Variants in ARHGEF10L observed in about 807,000 individuals in gnomAD.
The protein encoded by ARHGEF10L is Rho guanine nucleotide exchange factor 10 like, also known as rho guanine nucleotide exchange factor 10-like protein.
In ARHGEF10L, 69 loss-of-function variants were observed where a neutral mutation model predicts 141.2. That is an observed-to-expected ratio of 0.49 (90% confidence interval 0.40 to 0.60). The LOEUF is 0.60. ARHGEF10L is among the 20% of genes least tolerant of loss of function. The probability of loss-of-function intolerance (pLI) is 0.00; values close to 1 mark genes in which losing one functional copy is unlikely to be tolerated. For missense variants in ARHGEF10L, 1,482 were observed against 1,734.3 expected, an observed-to-expected ratio of 0.85 and a Z score of 2.58; for synonymous variants, 711 against 718.5, an observed-to-expected ratio of 0.99 and a Z score of 0.17.
At chr1:17,571,990 T>C (rs1274631862) in intron 1 of ARHGEF10L, among the ~76,000 whole-genome samples, 1 of 152,204 alleles carries the variant, frequency 6.6e-6, no homozygotes, top group East Asian at 1.9e-4. Flanking sequence ...AGAGGCCAGT[T>C]TGGGGGGGCT....
chr1:17,621,781 A>G lies in ARHGEF10L; in HGVS notation c.943-83A>G, dbSNP rs574410092. 91 of 1,185,310 alleles carry G rather than the reference A, an allele frequency of 7.7e-5. No individual in the cohort carries two copies. The highest frequency in any genetic ancestry group is 1.1e-4 in the Non-Finnish European group (85 of 804,526). The allele number at this position is 1,185,310 out of a possible 1,614,324, so 73.4% of individuals were successfully genotyped here. A position where few individuals can be genotyped will look rare whatever the true frequency, so the allele number is the denominator to read the frequency against. On this transcript the variant is annotated intron_variant, in intron 10 of 28. Transcript: ENST00000361221. The surrounding 1 kb of genome is among the most constrained non-coding windows in gnomAD (Gnocchi z 4.1). ...TGGGAGGGATGGGTTTCTCTGTCCT[A>G]TAGTTGTCAGCTCCCCTTCCTGTCA... is the stretch of plus-strand genomic sequence containing the variant.
the ARHGEF10L span, among the ~76,000 whole-genome samples, chr1:17,526,225 G>A: frequency 6.6e-6 from 1 of 152,172 alleles, no homozygotes; most frequent in African/African-American, 2.4e-5. Context: ...AGGGAGCACA[G>A]GAATGCAGGG....
chr1:17,631,798 C>T (rs899212986), intron 15 of ARHGEF10L, among the ~76,000 whole-genome samples: 8 of 152,366 alleles, frequency 5.3e-5, no homozygotes, highest in Admixed American at 4.6e-4. Context: ...TCGTTTTGCA[C>T]TGGACCGCAA....
At chr1:17,552,963 T>A (rs1475479576) in intron 1 of ARHGEF10L, among the ~76,000 whole-genome samples, 1 of 152,158 alleles carries the variant, frequency 6.6e-6, no homozygotes, top group African/African-American at 2.4e-5. Flanking sequence ...CTTGATAGGA[T>A]CCTGTGGGGC....
At chr1:17,611,549 C>CATCT (rs1016106096) in intron 7 of ARHGEF10L, among the ~76,000 whole-genome samples, 16 of 149,390 alleles carry the variant, frequency 1.1e-4, no homozygotes, top group Admixed American at 3.3e-4. Context: ...TCCATCCATC[C>CATCT]ATCCATCCAT....
intron 17 of ARHGEF10L, 66 bp downstream of exon 17, chr1:17,634,628 T>C: frequency 6.3e-7 from 1 of 1,594,896 alleles, no homozygotes; most frequent in South Asian, 1.1e-5. Context: ...TGCCATGTGA[T>C]TCTGGATATG....
Position 17,558,911 on chromosome 1 carries a change from G to A in ARHGEF10L, c.-44+18961G>A, listed in dbSNP as rs1260488918. Among the ~76,000 whole-genome samples, 1 of 152,220 alleles carries A rather than the reference G, an allele frequency of 6.6e-6. No individual in the cohort carries two copies. Among genetic ancestry groups the A allele is most frequent in the Admixed American group, 6.5e-5 (1 of 15,286 alleles). ...GGGAGGGCTGAGGGGCCCTTCCCCA[G>A]CTTCCTCGGCTTTCAGCTCTTTTCT... On this transcript the variant is annotated intron_variant, in intron 1 of 28. Transcript: ENST00000361221. The surrounding 1 kb of genome is among the most constrained non-coding windows in gnomAD (Gnocchi z 4.2).
intron 9 of ARHGEF10L, among the ~76,000 whole-genome samples, chr1:17,617,768 G>A (rs558267990): frequency 1.3e-5 from 2 of 152,140 alleles, no homozygotes; most frequent in South Asian, 4.1e-4. Flanking sequence ...GTCTTGTAGG[G>A]CTGTGGTGAG....
At chr1:17,614,070 G>A (rs985237395) in intron 8 of ARHGEF10L, among the ~76,000 whole-genome samples, 1 of 152,208 alleles carries the variant, frequency 6.6e-6, no homozygotes, top group African/African-American at 2.4e-5. Context: ...GCATCTTTTA[G>A]TGTCAAGTAC....
At chr1:17,659,859 C>T (rs1172216246) in intron 25 of ARHGEF10L, among the ~76,000 whole-genome samples, 1 of 152,194 alleles carries the variant, frequency 6.6e-6, no homozygotes, top group Non-Finnish European at 1.5e-5. Flanking sequence ...CCCACAGAAC[C>T]AGCAGCTGAG....
At chr1:17,657,138 A>G (rs1380390785) in intron 25 of ARHGEF10L, among the ~76,000 whole-genome samples, 1 of 152,188 alleles carries the variant, frequency 6.6e-6, no homozygotes, top group Non-Finnish European at 1.5e-5. Context: ...GGCAAAGCAC[A>G]GGGCCAGGCC....
At chr1:17,566,076 G>A (rs1229569121) in intron 1 of ARHGEF10L, among the ~76,000 whole-genome samples, 3 of 152,186 alleles carry the variant, frequency 2.0e-5, no homozygotes, top group Non-Finnish European at 2.9e-5. Context: ...TTGTATTCCT[G>A]TGACTAGTAA....
intron 26 of ARHGEF10L, among the ~76,000 whole-genome samples, chr1:17,671,750 A>G (rs2063335809): frequency 1.3e-5 from 2 of 152,182 alleles, no homozygotes; most frequent in African/African-American, 4.8e-5. Context: ...CACCACAGCT[A>G]CATGCTGACA....
chr1:17,622,274 A>T (rs941783416), intron 11 of ARHGEF10L, among the ~76,000 whole-genome samples: 2 of 152,166 alleles, frequency 1.3e-5, no homozygotes, highest in African/African-American at 4.8e-5. Context: ...ATGTCTTCCC[A>T]TCCTCCTGGG....
chr1:17,527,903 C>G, the ARHGEF10L span, among the ~76,000 whole-genome samples: 2 of 148,542 alleles, frequency 1.3e-5, no homozygotes, highest in African/African-American at 5.0e-5. Flanking sequence ...GAGTCTCACT[C>G]TGTCACCCAA....
At chr1:17,601,644 C>T (rs1039061994) in intron 4 of ARHGEF10L, among the ~76,000 whole-genome samples, 2 of 152,146 alleles carry the variant, frequency 1.3e-5, no homozygotes, top group African/African-American at 4.8e-5. Flanking sequence ...CGGAGTTCCA[C>T]CATGTTGGCC....
chr1:17,600,998 C>T (rs1016920642), intron 4 of ARHGEF10L, among the ~76,000 whole-genome samples: 2 of 144,824 alleles, frequency 1.4e-5, no homozygotes, highest in Non-Finnish European at 3.0e-5. Flanking sequence ...TGCAGTGAGC[C>T]GAGATCGCAC....
intron 1 of ARHGEF10L, among the ~76,000 whole-genome samples, chr1:17,572,495 C>T (rs975134320): frequency 2.0e-5 from 3 of 152,144 alleles, no homozygotes; most frequent in African/African-American, 7.2e-5. Flanking sequence ...AGAGCCTCAC[C>T]TCCTTGCACA....
chr1:17,628,067 G>A (rs1261666516), intron 15 of ARHGEF10L, among the ~76,000 whole-genome samples: 2 of 152,242 alleles, frequency 1.3e-5, no homozygotes, highest in African/African-American at 2.4e-5. Flanking sequence ...GCTGGGCGTG[G>A]TAGCTCACGC....
Sources: gnomAD v4.1 joint callset for allele counts (sites outside exome capture counted in the v4.1 genomes callset) on GRCh38, gnomAD v4.1.1 for gene constraint, Gnocchi (gnomAD v3.1) non-coding constraint, MANE v1.5 for transcripts, NCBI Gene and HGNC (gene_info 2026-07-23, HGNC 2026-07-21) for gene names.